ERCC6L2: variants seen among roughly 807,000 people sequenced by gnomAD.
ERCC6L2 encodes the protein DNA excision repair protein ERCC-6-like 2.
A neutral mutation model predicts 132.0 loss-of-function variants in ERCC6L2; 77 were observed. The ratio of observed to expected loss-of-function variants is 0.58; its 90% CI spans 0.49 to 0.71. ERCC6L2 has a LOEUF of 0.71. Among genes scored for constraint, ERCC6L2 ranks in the 30% least tolerant of loss-of-function variants. The pLI is 0.00. For synonymous variants in ERCC6L2, 583 were observed against 632.4 expected (o/e 0.92, Z 1.17); for missense variants, 1,542 against 1,837.6 (o/e 0.84, Z 2.94).
intron 3 of ERCC6L2, among the ~76,000 whole-genome samples, chr9:95,898,971 T>A (rs954175230): frequency 3.9e-5 from 6 of 152,288 alleles, no homozygotes; most frequent in Middle Eastern, 3.4e-3. Context: ...TAATGTATTT[T>A]AAGTATTCAA....
chr9:96,030,590 T>A (rs574437727), intron 19 of ERCC6L2, among the ~76,000 whole-genome samples: 6 of 150,932 alleles, frequency 4.0e-5, no homozygotes, highest in African/African-American at 1.5e-4. Flanking sequence ...TAGTCCCAGC[T>A]ACTGGGGAGG....
chr9:95,918,139 G>A lies in ERCC6L2; in HGVS notation c.1158+1705G>A, dbSNP rs770172357. ...CTTTAAAAAATAAAAGATAAAAATA[G>A]CTTCCAAAAGAGTTGTGGTCATCCT... is the stretch of plus-strand genomic sequence containing the variant. On this transcript the variant is annotated intron_variant, in intron 6 of 18. Coordinates refer to ENST00000653738, the MANE Select transcript of ERCC6L2 (RefSeq NM_020207.7). 1.1e-4 allele frequency: 49 copies of A among 452,934 alleles called. 1 individual carries two copies. Among genetic ancestry groups the A allele is most frequent in the Non-Finnish European group, 1.9e-4 (43 of 227,754 alleles). 28.1% of individuals were successfully genotyped at this position (452,934 alleles called of 1,614,324 possible). A position where few individuals can be genotyped will look rare whatever the true frequency, so the allele number is the denominator to read the frequency against.
chr9:95,916,438 AG>A lies in ERCC6L2; in HGVS notation c.1158+5del. 2.6e-6 allele frequency: 4 copies of A among 1,545,814 alleles called. No individual in the cohort carries two copies. The highest frequency in any genetic ancestry group is 3.5e-6 in the Non-Finnish European group (4 of 1,153,372). ...GTTGCCTAAGAAGGAAGACCGGGTA[AG>A]AACCGCATTTGTATATATTATTAAT... On this transcript the variant is annotated splice_donor_5th_base_variant and intron_variant, in intron 6 of 18. Coordinates refer to ENST00000653738, the MANE Select transcript of ERCC6L2 (RefSeq NM_020207.7).
intron 8 of ERCC6L2, among the ~76,000 whole-genome samples, chr9:95,923,012 T>G (rs997568658): frequency 2.0e-5 from 3 of 152,206 alleles, no homozygotes; most frequent in Non-Finnish European, 4.4e-5. Context: ...ATTTAGCACC[T>G]TGTTTTGGAA....
At chr9:96,027,540 C>G (rs908502845) in intron 19 of ERCC6L2, 5 of 152,180 alleles carry the variant, frequency 3.3e-5, no homozygotes, top group African/African-American at 1.2e-4. Flanking sequence ...ACCGAAGGCC[C>G]CCGCGTGGAG....
chr9:95,955,055 G>A (rs1193874834), intron 12 of ERCC6L2: 1 of 367,372 alleles, frequency 2.7e-6, no homozygotes, highest in Non-Finnish European at 5.4e-6. Context: ...CTCAGCAACT[G>A]TAACAGGCAT....
intron 9 of ERCC6L2, among the ~76,000 whole-genome samples, chr9:95,924,919 A>G (rs1413156309): frequency 6.6e-6 from 1 of 152,236 alleles, no homozygotes; most frequent in African/African-American, 2.4e-5. Context: ...TAAGCTAGGG[A>G]TATATTTTTA....
chr9:95,929,901 T>C (rs961796761), intron 11 of ERCC6L2, among the ~76,000 whole-genome samples: 1 of 152,212 alleles, frequency 6.6e-6, no homozygotes, highest in African/African-American at 2.4e-5. Flanking sequence ...TAGTCTCTTA[T>C]CCTTCTTCTG....
intron 17 of ERCC6L2, among the ~76,000 whole-genome samples, chr9:95,988,925 A>C (rs1833195039): frequency 6.6e-6 from 1 of 152,212 alleles, no homozygotes; most frequent in South Asian, 2.1e-4. Context: ...GCTATAAATC[A>C]GGGTTCCCAC....
intron 17 of ERCC6L2, among the ~76,000 whole-genome samples, chr9:95,999,174 CAG>C (rs1833570266): frequency 6.6e-6 from 1 of 152,092 alleles, no homozygotes; most frequent in African/African-American, 2.4e-5. Flanking sequence ...TCCTGGCTAA[CAG>C]GGTGAAACCC....
intron 18 of ERCC6L2, among the ~76,000 whole-genome samples, chr9:96,006,443 T>C (rs1833865251): frequency 6.6e-6 from 1 of 152,166 alleles, no homozygotes; most frequent in Non-Finnish European, 1.5e-5. Context: ...GAAGCAGTGC[T>C]CAGGCCCTGG....
intron 1 of ERCC6L2, among the ~76,000 whole-genome samples, chr9:95,877,320 T>C (rs1018524716): frequency 1.3e-4 from 19 of 151,546 alleles, no homozygotes; most frequent in African/African-American, 4.8e-5. Flanking sequence ...CTCCAATAAG[T>C]TGTGTGATTC....
chr9:95,918,241 G>T (rs1476604989), intron 6 of ERCC6L2: 2 of 442,964 alleles, frequency 4.5e-6, no homozygotes, highest in Non-Finnish European at 9.0e-6. Flanking sequence ...GGTCACCATT[G>T]CAGGTCTGGC....
chr9:95,934,920 G>A (rs889061635), intron 11 of ERCC6L2, among the ~76,000 whole-genome samples: 3 of 152,050 alleles, frequency 2.0e-5, no homozygotes, highest in Non-Finnish European at 2.9e-5. Context: ...CTTTTGTTAT[G>A]TACCCCAAGA....
At chr9:95,892,424 CTTTT>C (rs532088236) in intron 2 of ERCC6L2, among the ~76,000 whole-genome samples, 3 of 115,122 alleles carry the variant, frequency 2.6e-5, no homozygotes, top group Admixed American at 9.2e-5. Context: ...GTGTATAAAT[CTTTT>C]TTTTTTTTTT....
At chr9:96,035,339 G>A (rs1834507024) in intron 19 of ERCC6L2, among the ~76,000 whole-genome samples, 2 of 152,176 alleles carry the variant, frequency 1.3e-5, no homozygotes, top group Non-Finnish European at 2.9e-5. Flanking sequence ...CCTCTTCCGA[G>A]CCCGCCCCTG....
intron 9 of ERCC6L2, among the ~76,000 whole-genome samples, chr9:95,925,524 CTA>C (rs1830062624): frequency 6.6e-6 from 1 of 152,094 alleles, no homozygotes; most frequent in African/African-American, 2.4e-5. Context: ...AACATTGGGT[CTA>C]TATTGTTAAG....
chr9:95,959,420 A>G (rs1187677436), intron 13 of ERCC6L2, among the ~76,000 whole-genome samples: 1 of 151,780 alleles, frequency 6.6e-6, no homozygotes, highest in Non-Finnish European at 1.5e-5. Flanking sequence ...CTAAAACCAT[A>G]AAAACCCTAG....
intron 2 of ERCC6L2, among the ~76,000 whole-genome samples, chr9:95,892,643 G>A (rs1384691508): frequency 7.2e-5 from 11 of 151,822 alleles, no homozygotes; most frequent in African/African-American, 2.7e-4. Flanking sequence ...GGCTGGTCTC[G>A]GACTCCTGAC....
Sources: allele counts gnomAD v4.1 joint callset (sites outside exome capture counted in the v4.1 genomes callset), GRCh38; gene constraint gnomAD v4.1.1; transcripts MANE v1.5; gene names NCBI Gene and HGNC (gene_info 2026-07-23, HGNC 2026-07-21).